The following DENND4C variants were observed in gnomAD, a reference collection of about 807,000 sequenced individuals.
DENND4C encodes DENN domain-containing protein 4C.
Under a neutral mutation model 203.0 loss-of-function variants are expected in DENND4C, and 108 were observed. That is an observed-to-expected ratio of 0.53 (90% CI 0.46 to 0.62). DENND4C has a LOEUF of 0.62. DENND4C is among the 20% of genes least tolerant of loss of function. DENND4C has a pLI of 0.00. For synonymous variants in DENND4C, 871 were observed against 792.4 expected, an observed-to-expected ratio of 1.10 and a Z score of -1.67; for missense variants, 2,481 against 2,301.2, an observed-to-expected ratio of 1.08 and a Z score of -1.60.
chr9:19,262,032 G>A (rs1205882016), intron 1 of DENND4C, among the ~76,000 whole-genome samples: 1 of 111,648 alleles, frequency 9.0e-6, no homozygotes, highest in Non-Finnish European at 2.0e-5. Context: ...ACTGATTTTT[G>A]TATATTGATT....
At chr9:19,246,536 A>C (rs1192079278) in intron 1 of DENND4C, among the ~76,000 whole-genome samples, 1 of 152,012 alleles carries the variant, frequency 6.6e-6, no homozygotes, top group Non-Finnish European at 1.5e-5. Context: ...GAGCCACTGC[A>C]CTGGGCATGT....
At chr9:19,296,476 G>A (rs2131264224) in intron 6 of DENND4C, among the ~76,000 whole-genome samples, 1 of 150,116 alleles carries the variant, frequency 6.7e-6, no homozygotes, top group Middle Eastern at 3.4e-3. Context: ...GCAGTTCTCT[G>A]TGTCAGCCTC....
Position 19,290,876 on chromosome 9 carries a change from G to A in DENND4C, c.801G>A (p.Lys267=). The change falls in exon 5 of 33, where the codon AAG becomes AAA. Residue 267 remains lysine (K), a splice_region_variant and synonymous_variant. Transcript: ENST00000434457. ...TCTTGACAGGTTCTTCAGCCAAAAA[G>A]GTATGTTTTTGTCTCATTGATTAAA... ...TFVLTGSSAK[K]VYGAAIQFYE... The A allele has an allele frequency of 6.2e-7, 1 of 1,611,952 alleles. No homozygotes were observed. The highest frequency in any genetic ancestry group is 8.5e-7 in the Non-Finnish European group (1 of 1,178,986).
chr9:19,231,345 GTC>G (rs1820501904), intron 1 of DENND4C, among the ~76,000 whole-genome samples: 1 of 152,144 alleles, frequency 6.6e-6, no homozygotes, highest in African/African-American at 2.4e-5. Context: ...CTGGGCAGGT[GTC>G]TCTGGTGAAT....
intron 1 of DENND4C, among the ~76,000 whole-genome samples, chr9:19,254,670 TAA>T (rs1281926477): frequency 6.6e-6 from 1 of 152,124 alleles, no homozygotes; most frequent in Non-Finnish European, 1.5e-5. Context: ...TGAAATTTGA[TAA>T]AGAGAGCAAA....
intron 1 of DENND4C, among the ~76,000 whole-genome samples, chr9:19,259,505 CTTTTTTTTT>C (rs1021585159): frequency 1.5e-5 from 2 of 131,500 alleles, no homozygotes; most frequent in East Asian, 2.2e-4. Flanking sequence ...TTTCTTTTTT[CTTTTTTTTT>C]TTTTTTTGAG....
chr9:19,243,121 T>A (rs1011976218), intron 1 of DENND4C, among the ~76,000 whole-genome samples: 1 of 152,202 alleles, frequency 6.6e-6, no homozygotes, highest in Non-Finnish European at 1.5e-5. Flanking sequence ...AGAACCATTG[T>A]ATACATTAGC....
chr9:19,272,207 G>T (rs1252135219), intron 1 of DENND4C, among the ~76,000 whole-genome samples: 2 of 151,772 alleles, frequency 1.3e-5, no homozygotes, highest in African/African-American at 4.8e-5. Flanking sequence ...ATCACCTGAG[G>T]TCGAGAGTTT....
At chr9:19,281,076 C>T (rs1328219466) in intron 2 of DENND4C, among the ~76,000 whole-genome samples, 5 of 152,134 alleles carry the variant, frequency 3.3e-5, no homozygotes, top group African/African-American at 1.2e-4. Flanking sequence ...GACAAGCCCA[C>T]CTGCCACCCC....
intron 1 of DENND4C, among the ~76,000 whole-genome samples, chr9:19,262,231 C>T (rs1271387598): frequency 6.6e-6 from 1 of 151,228 alleles, no homozygotes; most frequent in African/African-American, 2.4e-5. Context: ...GCACTACAGG[C>T]GTGTGCCAGC....
chr9:19,319,042 G>A (rs141390046), intron 12 of DENND4C, among the ~76,000 whole-genome samples: 7,627 of 151,754 alleles, frequency 0.05, 251 homozygotes, highest in South Asian at 0.092. Flanking sequence ...GGTGGTGCAT[G>A]CCTGTAATCC....
chr9:19,331,956 T>C (rs1020265529), intron 16 of DENND4C, 22 bp from the exon 17 acceptor site: 6 of 1,588,466 alleles, frequency 3.8e-6, no homozygotes, highest in Admixed American at 1.7e-5. Flanking sequence ...GTAAATATCA[T>C]AATATTTTAT....
chr9:19,302,942 C>A (rs10811165), intron 9 of DENND4C, among the ~76,000 whole-genome samples: 1 of 151,792 alleles, frequency 6.6e-6, no homozygotes, highest in Non-Finnish European at 1.5e-5. Context: ...CTAATAGAAC[C>A]TGCTTTTCTT....
chr9:19,290,911 T>C, intron 5 of DENND4C, 35 bp downstream of exon 5: 2 of 1,575,286 alleles, frequency 1.3e-6, no homozygotes, highest in Non-Finnish European at 1.7e-6. Flanking sequence ...ACACATTTTG[T>C]CCATGTTTTT....
At chr9:19,349,696 T>C (rs1028376552) in intron 23 of DENND4C, among the ~76,000 whole-genome samples, 1 of 152,224 alleles carries the variant, frequency 6.6e-6, no homozygotes, top group Non-Finnish European at 1.5e-5. Flanking sequence ...TTTACCAATG[T>C]AATTTATATA....
At chr9:19,362,661 AG>A (rs1826758207) in intron 30 of DENND4C, among the ~76,000 whole-genome samples, 1 of 152,154 alleles carries the variant, frequency 6.6e-6, no homozygotes, top group Non-Finnish European at 1.5e-5. Context: ...TTTTCTATCA[AG>A]TAAAAATTTG....
At chr9:19,259,481 A>AT (rs1828816550) in intron 1 of DENND4C, among the ~76,000 whole-genome samples, 1 of 149,896 alleles carries the variant, frequency 6.7e-6, no homozygotes, top group African/African-American at 2.4e-5. Context: ...TTGGGTATAT[A>AT]TACCATATTT....
At chr9:19,362,037 G>T in intron 30 of DENND4C, 74 bp downstream of exon 30, 1 of 873,566 alleles carries the variant, frequency 1.1e-6, no homozygotes, top group Non-Finnish European at 1.8e-6. Flanking sequence ...ACTTTGGGAG[G>T]CCTAGGCTGG....
At chr9:19,281,462 A>G (rs1271661179) in intron 2 of DENND4C, among the ~76,000 whole-genome samples, 1 of 152,194 alleles carries the variant, frequency 6.6e-6, no homozygotes, top group African/African-American at 2.4e-5. Context: ...ATAGTAGGAA[A>G]GCCTATTAGC....
Sources: allele counts gnomAD v4.1 joint callset (sites outside exome capture counted in the v4.1 genomes callset), GRCh38; gene constraint gnomAD v4.1.1; transcripts MANE v1.5; gene names NCBI Gene and HGNC (gene_info 2026-07-23, HGNC 2026-07-21).